Variants in WDFY2 observed in about 807,000 individuals in gnomAD.
WDFY2 encodes the protein WD repeat and FYVE domain containing 2, also known as WD repeat and FYVE domain-containing protein 2.
A neutral mutation model predicts 56.4 loss-of-function variants in WDFY2; 36 were observed. The ratio of observed to expected loss-of-function variants is 0.64; its 90% CI spans 0.49 to 0.84. The LOEUF (loss-of-function observed/expected upper bound fraction) is 0.84, where lower values mean the gene tolerates loss of function less well. Ranked by LOEUF, WDFY2 falls within the 40% of genes least tolerant of loss-of-function variation. WDFY2 has a pLI of 0.00. For missense variants in WDFY2, 444 were observed against 512.2 expected (o/e 0.87, Z 1.29); for synonymous variants, 176 against 183.7 (o/e 0.96, Z 0.34).
At chr13:51,626,917 C>G (rs1954844566) in intron 1 of WDFY2, among the ~76,000 whole-genome samples, 1 of 152,194 alleles carries the variant, frequency 6.6e-6, no homozygotes, top group Non-Finnish European at 1.5e-5. Context: ...GCTGCCAGCC[C>G]AGATCCCATA....
intron 6 of WDFY2, among the ~76,000 whole-genome samples, chr13:51,730,224 T>G (rs1228809778): frequency 3.3e-5 from 5 of 152,232 alleles, no homozygotes; most frequent in African/African-American, 1.2e-4. Flanking sequence ...GCCTTCCAGC[T>G]CCCTGCAATC....
Position 51,689,727 on chromosome 13 carries a change from C to G in WDFY2, c.280-13869C>G, listed in dbSNP as rs190428963. The stretch of plus-strand genomic sequence containing the variant: ...TCTGGGTTCCTGGGTGAAACAATGT[C>G]CCATTGTTTGGTAGCCAGTGAAACC... On this transcript the variant is annotated intron_variant, in intron 3 of 11. Transcript: ENST00000298125. Among the ~76,000 whole-genome samples the G allele has an allele frequency of 3.9e-3, 599 of 152,218 alleles. 5 individuals are homozygous for G. Among genetic ancestry groups the G allele is most frequent in the African/African-American group, 0.014 (574 of 41,526 alleles).
At chr13:51,618,822 A>G (rs1439482680) in intron 1 of WDFY2, among the ~76,000 whole-genome samples, 5 of 152,226 alleles carry the variant, frequency 3.3e-5, no homozygotes, top group Non-Finnish European at 4.4e-5. Flanking sequence ...ATGCAAAACA[A>G]TAAAGGCTTA....
intron 6 of WDFY2, 133 bp downstream of exon 6, chr13:51,727,923 C>CTT: frequency 1.3e-6 from 1 of 744,036 alleles, no homozygotes; most frequent in East Asian, 2.7e-5. Context: ...ACATGATATG[C>CTT]TTAACTCATT....
chr13:51,710,660 C>A (rs1350727690), intron 4 of WDFY2, among the ~76,000 whole-genome samples: 11 of 152,010 alleles, frequency 7.2e-5, no homozygotes, highest in African/African-American at 2.7e-4. Context: ...AAACAGAGAG[C>A]CAAATCATAA....
Position 51,703,618 on chromosome 13 carries a change from AT to A in WDFY2, c.303del (p.Tyr101Ter). On this transcript the variant is annotated frameshift_variant, in exon 4 of 12. Coordinates refer to ENST00000298125, the MANE Select transcript of WDFY2 (RefSeq NM_052950.4). LOFTEE classifies it high-confidence loss of function. ...CAGGAGTTTATATTGTCAGAAGATT[AT>A]AACAAGATGACTCCTGTGAAAAACT... is the stretch of plus-strand genomic sequence containing the variant. ...TISEFILSED[Y>X]NKMTPVKNYQ... 6.2e-7 allele frequency: 1 copy of A among 1,609,732 alleles called. No homozygotes were observed. Among genetic ancestry groups the A allele is most frequent in the Non-Finnish European group, 8.5e-7 (1 of 1,177,798 alleles).
chr13:51,697,699 A>C (rs191483770), intron 3 of WDFY2, among the ~76,000 whole-genome samples: 1 of 152,166 alleles, frequency 6.6e-6, no homozygotes, highest in Non-Finnish European at 1.5e-5. Context: ...ATTGCCTTCC[A>C]ATGGGATATT....
chr13:51,595,148 C>T (rs1190683678), intron 1 of WDFY2, among the ~76,000 whole-genome samples: 1 of 152,164 alleles, frequency 6.6e-6, no homozygotes, highest in Non-Finnish European at 1.5e-5. Context: ...TTGCAGGCTT[C>T]TATCTCTCTC....
At chr13:51,592,175 T>C (rs1311050087) in intron 1 of WDFY2, 1 of 151,856 alleles carries the variant, frequency 6.6e-6, no homozygotes. Context: ...AAATTAGGAA[T>C]GTACCAAATT....
chr13:51,727,822 A>G, intron 6 of WDFY2, 32 bp downstream of exon 6: 1 of 1,576,138 alleles, frequency 6.3e-7, no homozygotes, highest in Non-Finnish European at 8.7e-7. Flanking sequence ...TCATGTGCTG[A>G]TAGCACAGTG....
At chr13:51,654,223 C>G (rs796997671) in intron 1 of WDFY2, among the ~76,000 whole-genome samples, 2 of 152,352 alleles carry the variant, frequency 1.3e-5, no homozygotes, top group African/African-American at 4.8e-5. Context: ...ATACAATCTC[C>G]TAGTGTGCCG....
chr13:51,656,737 C>A (rs953200666), intron 1 of WDFY2, among the ~76,000 whole-genome samples: 4 of 151,652 alleles, frequency 2.6e-5, no homozygotes, highest in African/African-American at 9.7e-5. Flanking sequence ...ACATAGTGTC[C>A]TTGTCTCTTG....
intron 7 of WDFY2, 83 bp from the exon 8 acceptor site, chr13:51,751,227 T>C (rs1953227854): frequency 2.2e-6 from 3 of 1,355,388 alleles, no homozygotes; most frequent in South Asian, 1.3e-5. Flanking sequence ...AGTGAGCACA[T>C]TGGCTGACTT....
At chr13:51,738,898 TTC>T in intron 6 of WDFY2, 149 bp from the exon 7 acceptor site, 1 of 1,040,538 alleles carries the variant, frequency 9.6e-7, no homozygotes, top group Non-Finnish European at 1.3e-6. Context: ...GCCAACTTTT[TTC>T]TCTTTGGGGA....
intron 4 of WDFY2, among the ~76,000 whole-genome samples, chr13:51,706,022 C>T (rs1952075289): frequency 6.6e-6 from 1 of 152,070 alleles, no homozygotes; most frequent in African/African-American, 2.4e-5. Context: ...AATGTTTGGC[C>T]TCACAGGTAT....
intron 1 of WDFY2, among the ~76,000 whole-genome samples, chr13:51,623,685 C>T (rs1251650260): frequency 6.6e-6 from 1 of 152,168 alleles, no homozygotes. Context: ...CTCTCCAGTG[C>T]ACCACGTGTC....
rs1319232905 is a variant in WDFY2, at chr13:51,584,733, C to T, written c.46C>T (p.Leu16=). The T allele has an allele frequency of 1.9e-6, 3 of 1,613,700 alleles. No homozygotes were observed. In the African/African-American group the frequency reaches 4.0e-5, roughly 22 times the overall value. The change falls in exon 1 of 12, where the codon CTG becomes TTG. Residue 16 remains leucine, a synonymous_variant. Coordinates refer to ENST00000298125, the MANE Select transcript of WDFY2 (RefSeq NM_052950.4). ...CAAGCCTCTGACCCGCAAGCCGATC[C>T]TGCTGCAGCGGATGGAGGGGTCCCA... The part of the protein sequence containing the change: ...QPKPLTRKPI[L]LQRMEGSQEV...
Position 51,763,227 on chromosome 13 carries a change from C to T in WDFY2, c.*3458C>T, listed in dbSNP as rs1051216523. ...CATGAGTGGGAGGAGAGACTTTCAG[C>T]ACCTTGAGACAGGGCGCTCTCTGGA... On this transcript the variant is annotated 3_prime_UTR_variant, in exon 12 of 12. Coordinates refer to ENST00000298125, the MANE Select transcript of WDFY2 (RefSeq NM_052950.4). 3 of 152,176 alleles carry T rather than the reference C, an allele frequency of 2.0e-5. No individual in the cohort carries two copies. The highest frequency in any genetic ancestry group is 6.5e-5 in the Admixed American group (1 of 15,282). 9.4% of individuals were successfully genotyped at this position (152,176 alleles called of 1,614,324 possible).
At chr13:51,750,983 T>C (rs1953220380) in intron 7 of WDFY2, among the ~76,000 whole-genome samples, 1 of 152,128 alleles carries the variant, frequency 6.6e-6, no homozygotes, top group South Asian at 2.1e-4. Context: ...GAACATACGC[T>C]ACACATTTTG....
Sources: gnomAD v4.1 joint callset for allele counts (sites outside exome capture counted in the v4.1 genomes callset) on GRCh38, gnomAD v4.1.1 for gene constraint, MANE v1.5 for transcripts, NCBI Gene and HGNC (gene_info 2026-07-23, HGNC 2026-07-21) for gene names.